IHO1: variants seen among roughly 807,000 people sequenced by gnomAD.
IHO1 encodes the protein interactor of HORMAD1 protein 1.
A neutral mutation model predicts 31.0 loss-of-function variants in IHO1; 13 were observed. That is an observed-to-expected ratio of 0.42 (90% confidence interval 0.27 to 0.67). The LOEUF is 0.67. IHO1 is among the 30% of genes least tolerant of loss of function. The pLI is 0.24. For synonymous variants in IHO1, 221 were observed against 248.4 expected (o/e 0.89, Z 1.04); for missense variants, 599 against 687.5 (o/e 0.87, Z 1.44).
At position 49,257,373 on chromosome 3, in the gene IHO1, C is replaced by T. The variant is rs2046838963; in HGVS notation, c.*91C>T. The stretch of plus-strand genomic sequence containing the variant: ...ACAGCAGAAAGTCCCTGAAGCCTGC[C>T]AAGTACCCAGGGTCAGAGGCCCTGC... On this transcript the variant is annotated 3_prime_UTR_variant, in exon 8 of 8. Transcript: ENST00000452691. 7.6e-7 allele frequency: 1 copy of T among 1,312,866 alleles called. No individual in the cohort carries two copies. The highest frequency in any genetic ancestry group is 1.5e-5 in the African/African-American group (1 of 68,350). The allele number at this position is 1,312,866 out of a possible 1,614,324, so 81.3% of individuals were successfully genotyped here. A position where few individuals can be genotyped will look rare whatever the true frequency, so the allele number is the denominator to read the frequency against.
Position 49,256,494 on chromosome 3 carries a change from G to A in IHO1, c.997G>A (p.Glu333Lys). 6.2e-7 allele frequency: 1 copy of A among 1,614,168 alleles called. No individual in the cohort carries two copies. Among genetic ancestry groups the A allele is most frequent in the Non-Finnish European group, 8.5e-7 (1 of 1,180,042 alleles). The change falls in exon 8 of 8, where the codon GAG (glutamate) becomes AAG (lysine). Residue 333 changes from glutamate (E) to lysine (K), a missense_variant. Glu to Lys is a moderately conservative substitution (Grantham distance 56). Coordinates refer to ENST00000452691, the MANE Select transcript of IHO1 (RefSeq NM_001135197.2). This position sits in a 1 kb window ranked among gnomAD's most constrained non-coding sequence, Gnocchi z 4.6. ...AGCAAAGAATGATGATCTCCAAGAA[G>A]AGGCTGCACTGCCAGCATTTGGGTC... ...EGAKNDDLQEEAALPAFGSHE... is the reference protein window; with the variant it reads ...EGAKNDDLQEKAALPAFGSHE...
In IHO1 at chr3:49,256,952, T is replaced by C; in HGVS notation, c.1455T>C (p.Pro485=). The stretch of plus-strand genomic sequence containing the variant: ...GTCCTCAGCCTGCAATTTCTGTCCC[T>C]CAAAGCCCCTTCCTGGGGCAGCAGG... ...YQSPQPAISV[P]QSPFLGQQEP... is the part of the protein sequence containing the mutation. Residue 485 remains proline (P), a synonymous_variant, in exon 8 of 8, where the codon CCT becomes CCC. Transcript: ENST00000452691. The surrounding 1 kb of genome is among the most constrained non-coding windows in gnomAD (Gnocchi z 4.6). 1.2e-6 allele frequency: 2 copies of C among 1,614,200 alleles called. No homozygotes were observed. Among genetic ancestry groups the C allele is most frequent in the South Asian group, 2.2e-5 (2 of 91,086 alleles).
At position 49,256,596 on chromosome 3, in the gene IHO1, G is replaced by A; in HGVS notation, c.1099G>A (p.Ala367Thr). Residue 367 changes from alanine (A) to threonine (T), a missense_variant, in exon 8 of 8, where the codon GCC becomes ACC. Coordinates refer to ENST00000452691, the MANE Select transcript of IHO1 (RefSeq NM_001135197.2). The surrounding 1 kb of genome is among the most constrained non-coding windows in gnomAD (Gnocchi z 4.6). Reference protein sequence around the residue: ...CKNWAVTKTGAKNHGSSVPGH... With the variant: ...CKNWAVTKTGTKNHGSSVPGH... ...GAACTGGGCTGTTACTAAAACAGGT[G>A]CCAAGAACCATGGTTCCAGCGTCCC... The A allele has an allele frequency of 6.2e-7, 1 of 1,614,214 alleles. No homozygotes were observed. The highest frequency in any genetic ancestry group is 8.5e-7 in the Non-Finnish European group (1 of 1,180,044).
At chr3:49,252,496 G>C (rs2046772277) in intron 6 of IHO1, among the ~76,000 whole-genome samples, 1 of 151,768 alleles carries the variant, frequency 6.6e-6, no homozygotes, top group Non-Finnish European at 1.5e-5. Flanking sequence ...ACAGCTGACT[G>C]TAGCTTTGAC....
At chr3:49,241,712 C>T (rs2046634118) in intron 4 of IHO1, among the ~76,000 whole-genome samples, 1 of 152,058 alleles carries the variant, frequency 6.6e-6, no homozygotes, top group East Asian at 1.9e-4. Flanking sequence ...CCTCTGCCTC[C>T]CAGGTTCAAG....
chr3:49,196,324 C>CTT (rs904734693), upstream of IHO1, among the ~76,000 whole-genome samples: 18 of 134,650 alleles, frequency 1.3e-4, no homozygotes, highest in South Asian at 2.4e-4. Flanking sequence ...AACGTTTTTA[C>CTT]TTTTTTTTTT....
At chr3:49,203,954 A>T (rs2046102425) in intron 1 of IHO1, among the ~76,000 whole-genome samples, 1 of 152,160 alleles carries the variant, frequency 6.6e-6, no homozygotes, top group Non-Finnish European at 1.5e-5. Flanking sequence ...TTGGCTTTGA[A>T]CATTGTCTTA....
chr3:49,234,135 A>G (rs1384051413), intron 2 of IHO1, among the ~76,000 whole-genome samples: 1 of 142,978 alleles, frequency 7.0e-6, no homozygotes, highest in East Asian at 2.1e-4. Flanking sequence ...AGTAACACAA[A>G]TTGTTACACA....
At chr3:49,241,147 A>T in intron 3 of IHO1, 79 bp from the exon 4 acceptor site, 1 of 1,174,398 alleles carries the variant, frequency 8.5e-7, no homozygotes, top group Non-Finnish European at 1.2e-6. Context: ...CTTAAATGTG[A>T]CTCTGCATTG....
rs903341011 is a variant in IHO1, at chr3:49,199,534, T to A, written c.-55T>A. 2 of 145,768 alleles carry A rather than the reference T, an allele frequency of 1.4e-5. No homozygotes were observed. Among genetic ancestry groups the A allele is most frequent in the South Asian group, 4.3e-4 (2 of 4,606 alleles). The allele number at this position is 145,768 out of a possible 1,614,324, so 9.0% of individuals were successfully genotyped here. A position where few individuals can be genotyped will look rare whatever the true frequency, so the allele number is the denominator to read the frequency against. On this transcript the variant is annotated 5_prime_UTR_variant, in exon 1 of 8. Coordinates refer to ENST00000452691, the MANE Select transcript of IHO1 (RefSeq NM_001135197.2). Reference sequence around the variant, plus strand: ...GGGACGCGGCCACCTCGAAGCCACGTCAGGGCAGCCCCAGGTCGGGCGCGT... The same window carrying A: ...GGGACGCGGCCACCTCGAAGCCACGACAGGGCAGCCCCAGGTCGGGCGCGT...
intron 3 of IHO1, among the ~76,000 whole-genome samples, chr3:49,237,658 A>G (rs1205665524): frequency 6.6e-6 from 1 of 151,758 alleles, no homozygotes; most frequent in African/African-American, 2.4e-5. Flanking sequence ...GAGAATTTAT[A>G]AGTAAAAATA....
chr3:49,220,427 T>TA (rs1409824517), intron 2 of IHO1, among the ~76,000 whole-genome samples: 1 of 152,212 alleles, frequency 6.6e-6, no homozygotes, highest in African/African-American at 2.4e-5. Context: ...TGGTGAGTGT[T>TA]ACAGCTCTTA....
At chr3:49,230,350 GGCCTTT>G (rs1184608472) in intron 2 of IHO1, among the ~76,000 whole-genome samples, 2 of 152,220 alleles carry the variant, frequency 1.3e-5, no homozygotes, top group Admixed American at 1.3e-4. Context: ...CCGAAAAACT[GGCCTTT>G]AATAGTCATA....
intron 6 of IHO1, among the ~76,000 whole-genome samples, chr3:49,248,124 CAA>C (rs60797316): frequency 9.1e-4 from 98 of 107,488 alleles, no homozygotes; most frequent in East Asian, 2.7e-3. Context: ...GACTCCATCT[CAA>C]AAAAAAAAAA....
chr3:49,210,802 A>G (rs1328184776), intron 1 of IHO1, among the ~76,000 whole-genome samples: 3 of 147,606 alleles, frequency 2.0e-5, no homozygotes, highest in African/African-American at 5.1e-5. Context: ...GGTTCAAGCA[A>G]TTCTCCTGCC....
chr3:49,212,515 C>CAA (rs1201035345), intron 2 of IHO1, among the ~76,000 whole-genome samples: 10 of 75,174 alleles, frequency 1.3e-4, no homozygotes, highest in Non-Finnish European at 1.4e-4. Context: ...GACTCAATCT[C>CAA]AAAAAAAAAA....
chr3:49,209,587 G>A (rs978681657), intron 1 of IHO1, among the ~76,000 whole-genome samples: 2 of 149,770 alleles, frequency 1.3e-5, no homozygotes, highest in Non-Finnish European at 3.0e-5. Context: ...AGTTAGCTAA[G>A]ATAACACCAC....
chr3:49,246,126 G>A lies in IHO1; in HGVS notation c.532+1393G>A, dbSNP rs545658885. On this transcript the variant is annotated intron_variant, in intron 6 of 7. Coordinates refer to ENST00000452691, the MANE Select transcript of IHO1 (RefSeq NM_001135197.2). Reference sequence around the variant, plus strand: ...GAATCTGGGAGGCGGAGGTGGCAGTGAGCTGAGATGGCGCCACTGCACTCC... The same window carrying A: ...GAATCTGGGAGGCGGAGGTGGCAGTAAGCTGAGATGGCGCCACTGCACTCC... Among the ~76,000 whole-genome samples the A allele has an allele frequency of 3.2e-4, 47 of 148,706 alleles. 1 individual carries two copies. The highest frequency in any genetic ancestry group is 6.8e-3 in the Middle Eastern group (2 of 292).
Position 49,256,210 on chromosome 3 carries a change from T to C in IHO1, c.713T>C (p.Phe238Ser), listed in dbSNP as rs1261452896. 1.9e-6 allele frequency: 3 copies of C among 1,614,154 alleles called. No individual in the cohort carries two copies. The highest frequency in any genetic ancestry group is 1.7e-5 in the Admixed American group (1 of 60,000). The change falls in exon 8 of 8, where the codon TTC (phenylalanine) becomes TCC (serine). Residue 238 changes from phenylalanine (F) to serine (S), a missense_variant. Coordinates refer to ENST00000452691, the MANE Select transcript of IHO1 (RefSeq NM_001135197.2). This position sits in a 1 kb window ranked among gnomAD's most constrained non-coding sequence, Gnocchi z 4.6. Reference sequence around the variant, plus strand: ...TTAGTTGCTCAGCAGAGTCAGGAATTCCAGCAGCTGTGTGAGCAGCTAGGC... The same window carrying C: ...TTAGTTGCTCAGCAGAGTCAGGAATCCCAGCAGCTGTGTGAGCAGCTAGGC... The part of the protein sequence containing the change: ...EVLVAQQSQE[F>S]QQLCEQLGQL...
Sources: gnomAD v4.1 joint callset for allele counts (sites outside exome capture counted in the v4.1 genomes callset) on GRCh38, gnomAD v4.1.1 for gene constraint, Gnocchi (gnomAD v3.1) non-coding constraint, MANE v1.5 for transcripts, NCBI Gene and HGNC (gene_info 2026-07-23, HGNC 2026-07-21) for gene names.